MARCHF3: variants seen among roughly 807,000 people sequenced by gnomAD.
MARCHF3 encodes the protein membrane associated ring-CH-type finger 3.
Under a neutral mutation model 24.2 loss-of-function variants are expected in MARCHF3, and 13 were observed. The observed-to-expected ratio is 0.54, with a 90% CI of 0.35 to 0.85. MARCHF3 has a LOEUF of 0.85. MARCHF3 is among the 40% of genes least tolerant of loss of function. MARCHF3 has a pLI of 0.01. For missense variants in MARCHF3, 276 were observed against 325.0 expected (o/e 0.85, Z 1.16); for synonymous variants, 144 against 137.3 (o/e 1.05, Z -0.34).
chr5:126,903,582 C>A (rs903487330), intron 3 of MARCHF3, among the ~76,000 whole-genome samples: 2 of 152,044 alleles, frequency 1.3e-5, no homozygotes, highest in East Asian at 3.9e-4. Flanking sequence ...CAAAACCAAA[C>A]CAAATCCATT....
chr5:126,893,968 G>T (rs1753783440), intron 3 of MARCHF3, among the ~76,000 whole-genome samples: 1 of 119,544 alleles, frequency 8.4e-6, no homozygotes, highest in African/African-American at 3.6e-5. Context: ...ATGAATCTGG[G>T]TGCTCCTGTA....
At chr5:126,960,849 T>G (rs1308904078) in intron 1 of MARCHF3, among the ~76,000 whole-genome samples, 1 of 152,170 alleles carries the variant, frequency 6.6e-6, no homozygotes, top group Admixed American at 6.6e-5. Context: ...TTATTTCACC[T>G]GACTCCTTAA....
chr5:127,023,292 C>T lies in MARCHF3; in HGVS notation c.-57+7058G>A, dbSNP rs374274575. On this transcript the variant is annotated intron_variant, in intron 1 of 4. Coordinates refer to ENST00000308660, the MANE Select transcript of MARCHF3 (RefSeq NM_178450.5). ...AAAACTCTGTCCTCCCTATATGTGGCTTTCAAACCCTGCCAATACTGTATT... is the reference window on the plus strand; with the variant it reads ...AAAACTCTGTCCTCCCTATATGTGGTTTTCAAACCCTGCCAATACTGTATT... Among the ~76,000 whole-genome samples, 13 of 152,274 alleles carry T rather than the reference C, an allele frequency of 8.5e-5. No individual in the cohort carries two copies. The South Asian group carries it at 2.7e-3, about 32-fold the overall frequency.
At chr5:126,938,817 A>G (rs1038196818) in intron 1 of MARCHF3, among the ~76,000 whole-genome samples, 2 of 152,366 alleles carry the variant, frequency 1.3e-5, no homozygotes, top group Middle Eastern at 3.4e-3. Flanking sequence ...TGTGCATTAC[A>G]ATGAAGAAAA....
chr5:126,960,092 C>T (rs572719529), intron 1 of MARCHF3, among the ~76,000 whole-genome samples: 1 of 152,150 alleles, frequency 6.6e-6, no homozygotes, highest in African/African-American at 2.4e-5. Context: ...GTCCATACAA[C>T]GGTTTGATCC....
intron 1 of MARCHF3, among the ~76,000 whole-genome samples, chr5:126,936,528 A>G (rs1031833580): frequency 2.6e-5 from 4 of 152,242 alleles, no homozygotes; most frequent in Non-Finnish European, 2.9e-5. Flanking sequence ...AATTTCAAGT[A>G]TAATTCAGAG....
At chr5:126,958,644 G>T (rs1389159445) in intron 1 of MARCHF3, among the ~76,000 whole-genome samples, 4 of 152,016 alleles carry the variant, frequency 2.6e-5, no homozygotes, top group African/African-American at 9.7e-5. Context: ...CAGATCAAGG[G>T]TACTGAATAT....
chr5:126,953,491 A>G (rs552579733), intron 1 of MARCHF3, among the ~76,000 whole-genome samples: 43 of 152,292 alleles, frequency 2.8e-4, no homozygotes, highest in African/African-American at 9.4e-4. Context: ...ATTTCCAAAA[A>G]TCTTTATTCT....
intron 1 of MARCHF3, 62 bp downstream of exon 1, chr5:127,030,288 C>T (rs1041290572): frequency 2.0e-5 from 3 of 152,280 alleles, no homozygotes; most frequent in Non-Finnish European, 2.9e-5. Flanking sequence ...CGCGTCCCGT[C>T]CCCTCTCGCC....
chr5:126,950,075 T>C (rs1489256578), intron 1 of MARCHF3, among the ~76,000 whole-genome samples: 2 of 152,150 alleles, frequency 1.3e-5, no homozygotes, highest in Admixed American at 1.3e-4. Context: ...ATCCTACCCA[T>C]TTTTTGCTTT....
chr5:126,874,177 A>T (rs553036990), intron 4 of MARCHF3, among the ~76,000 whole-genome samples: 1 of 152,208 alleles, frequency 6.6e-6, no homozygotes, highest in African/African-American at 2.4e-5. Context: ...ATCATGGGCA[A>T]GTCTGCTGTA....
At chr5:126,917,664 C>T (rs1488227108) in intron 2 of MARCHF3, among the ~76,000 whole-genome samples, 1 of 152,186 alleles carries the variant, frequency 6.6e-6, no homozygotes, top group African/African-American at 2.4e-5. Flanking sequence ...AATAGGACCA[C>T]CTTTGTTACC....
intron 1 of MARCHF3, among the ~76,000 whole-genome samples, chr5:126,964,736 T>C (rs1750747996): frequency 6.6e-6 from 1 of 152,144 alleles, no homozygotes; most frequent in Non-Finnish European, 1.5e-5. Flanking sequence ...TCTGAGCATA[T>C]GGGAGGTCAA....
At position 126,979,230 on chromosome 5, in the gene MARCHF3, C is replaced by A. The variant is rs183505400; in HGVS notation, c.-57+51120G>T. On this transcript the variant is annotated intron_variant, in intron 1 of 4. Coordinates refer to ENST00000308660, the MANE Select transcript of MARCHF3 (RefSeq NM_178450.5). ...AGAATTTACTTCCTCAACCAGACTG[C>A]GGCTCTTTAGGACATGGACCACATG... 3.0e-4 allele frequency among the ~76,000 whole-genome samples: 45 copies of A among 152,272 alleles called. No individual in the cohort carries two copies. In the East Asian group the frequency reaches 8.3e-3, roughly 28 times the overall value.
intron 1 of MARCHF3, among the ~76,000 whole-genome samples, chr5:126,958,584 T>C (rs1319797865): frequency 6.6e-6 from 1 of 152,212 alleles, no homozygotes; most frequent in Non-Finnish European, 1.5e-5. Flanking sequence ...TTTAAATTAA[T>C]TAATCTTTGA....
intron 3 of MARCHF3, among the ~76,000 whole-genome samples, chr5:126,904,836 A>G (rs1754231017): frequency 6.7e-6 from 1 of 149,958 alleles, no homozygotes; most frequent in African/African-American, 2.5e-5. Context: ...CCATTTGTCA[A>G]TTTTGGCTTT....
At chr5:126,931,174 G>GA (rs1749468792) in intron 1 of MARCHF3, among the ~76,000 whole-genome samples, 1 of 152,160 alleles carries the variant, frequency 6.6e-6, no homozygotes, top group Non-Finnish European at 1.5e-5. Context: ...AGAAGGAGGG[G>GA]AATGGGTTAG....
chr5:126,919,687 C>G (rs190855820), intron 1 of MARCHF3, among the ~76,000 whole-genome samples: 11 of 152,338 alleles, frequency 7.2e-5, no homozygotes, highest in African/African-American at 2.6e-4. Context: ...CCTCCCGACA[C>G]GCACATGTCA....
At chr5:126,973,455 C>A (rs1224142898) in intron 1 of MARCHF3, among the ~76,000 whole-genome samples, 1 of 152,230 alleles carries the variant, frequency 6.6e-6, no homozygotes, top group Non-Finnish European at 1.5e-5. Flanking sequence ...GTATAGCTTC[C>A]ACCTGTAGGG....
Sources: allele counts gnomAD v4.1 joint callset (sites outside exome capture counted in the v4.1 genomes callset), GRCh38; gene constraint gnomAD v4.1.1; transcripts MANE v1.5; gene names NCBI Gene and HGNC (gene_info 2026-07-23, HGNC 2026-07-21).